Variants in RNF152 observed in about 807,000 individuals in gnomAD.
RNF152 encodes ring finger protein 152, also known as E3 ubiquitin-protein ligase RNF152.
In RNF152, 11 loss-of-function variants were observed where a neutral mutation model predicts 12.7. The ratio of observed to expected loss-of-function variants is 0.86; its 90% CI spans 0.54 to 1.43. The LOEUF is 1.43. RNF152 is among the 40% of genes most tolerant of loss of function. RNF152 has a pLI of 0.00. For synonymous variants in RNF152, 113 were observed against 120.3 expected (o/e 0.94, Z 0.40); for missense variants, 255 against 274.8 (o/e 0.93, Z 0.51).
intron 1 of RNF152, among the ~76,000 whole-genome samples, chr18:61,839,200 T>G (rs1910331299): frequency 6.6e-6 from 1 of 152,200 alleles, no homozygotes; most frequent in African/African-American, 2.4e-5. Flanking sequence ...AAATCTACTT[T>G]GGTACACTAC....
Position 61,815,613 on chromosome 18 carries a change from G to T in RNF152, c.*239C>A, listed in dbSNP as rs1262214089. 26 of 519,360 alleles carry T rather than the reference G, an allele frequency of 5.0e-5. No homozygotes were observed. Among genetic ancestry groups the T allele is most frequent in the Non-Finnish European group, 7.9e-5 (23 of 291,308 alleles). 32.2% of individuals were successfully genotyped at this position (519,360 alleles called of 1,614,324 possible). ...AGTCCATTGAATACATGATTATGAG[G>T]ATGCATGCAATCATCTTCCAAGCTG... is the stretch of plus-strand genomic sequence containing the variant. On this transcript the variant is annotated 3_prime_UTR_variant, in exon 2 of 2. Coordinates refer to ENST00000312828, the MANE Select transcript of RNF152 (RefSeq NM_173557.3).
chr18:61,857,737 T>C (rs1911289980), intron 1 of RNF152, among the ~76,000 whole-genome samples: 1 of 152,130 alleles, frequency 6.6e-6, no homozygotes, highest in Admixed American at 6.5e-5. Flanking sequence ...ACTGTGGGCT[T>C]TTGGTCATTC....
intron 1 of RNF152, among the ~76,000 whole-genome samples, chr18:61,868,875 A>ACAGTGC (rs796504517): frequency 2.0e-5 from 3 of 152,284 alleles, no homozygotes; most frequent in African/African-American, 7.2e-5. Context: ...TACAAAGGCA[A>ACAGTGC]CAGTGCAAAA....
Position 61,812,780 on chromosome 18 carries a change from A to G in RNF152, c.*3072T>C, listed in dbSNP as rs1908867008. ...GTTTGATAGTTGTCTTTCAACATCT[A>G]TACTCATCCCTAAGTCAACCCTCCT... On this transcript the variant is annotated 3_prime_UTR_variant, in exon 2 of 2. Transcript: ENST00000312828. The G allele has an allele frequency of 6.6e-6, 1 of 152,226 alleles. No individual in the cohort carries two copies. The highest frequency in any genetic ancestry group is 2.1e-4 in the South Asian group (1 of 4,834). 9.4% of individuals were successfully genotyped at this position (152,226 alleles called of 1,614,324 possible). A position where few individuals can be genotyped will look rare whatever the true frequency, so the allele number is the denominator to read the frequency against.
Position 61,810,859 on chromosome 18 carries a change from A to G in RNF152, c.*4993T>C, listed in dbSNP as rs1912947458. 1 of 151,210 alleles carries G rather than the reference A, an allele frequency of 6.6e-6. No homozygotes were observed. The highest frequency in any genetic ancestry group is 2.1e-4 in the South Asian group (1 of 4,822). 9.4% of individuals were successfully genotyped at this position (151,210 alleles called of 1,614,324 possible). A position where few individuals can be genotyped will look rare whatever the true frequency, so the allele number is the denominator to read the frequency against. On this transcript the variant is annotated 3_prime_UTR_variant, in exon 2 of 2. Coordinates refer to ENST00000312828, the MANE Select transcript of RNF152 (RefSeq NM_173557.3). ...GGAAATGTCAAGGAACAGCTTCTCT[A>G]TCTAAGTCAGGGATGACAGACTGAC... is the stretch of plus-strand genomic sequence containing the variant.
intron 1 of RNF152, among the ~76,000 whole-genome samples, chr18:61,872,012 C>T (rs1397728283): frequency 6.6e-6 from 1 of 152,136 alleles, no homozygotes; most frequent in East Asian, 1.9e-4. Context: ...TTAATTGGCT[C>T]ACGGTTCTGC....
intron 1 of RNF152, among the ~76,000 whole-genome samples, chr18:61,822,607 A>T (rs1289629272): frequency 6.6e-6 from 1 of 152,226 alleles, no homozygotes; most frequent in Non-Finnish European, 1.5e-5. Context: ...AAAAAAAGCC[A>T]GTGAAGTAGA....
chr18:61,847,293 G>A (rs1230644469), intron 1 of RNF152, among the ~76,000 whole-genome samples: 1 of 152,202 alleles, frequency 6.6e-6, no homozygotes, highest in African/African-American at 2.4e-5. Flanking sequence ...TTTGAGAAAT[G>A]TGCTATTTCT....
intron 1 of RNF152, among the ~76,000 whole-genome samples, chr18:61,859,961 CAGATGTCATTAGTTA>C (rs1335260448): frequency 9.9e-5 from 15 of 152,244 alleles, no homozygotes; most frequent in Admixed American, 2.6e-4. Context: ...CGGGTCACTG[CAGATGTCATTAGTTA>C]AGATGAGGTT....
At chr18:61,831,488 T>C (rs1032844133) in intron 1 of RNF152, among the ~76,000 whole-genome samples, 11 of 152,216 alleles carry the variant, frequency 7.2e-5, no homozygotes, top group Non-Finnish European at 1.0e-4. Context: ...CTGCTCTTAC[T>C]GTCTCCCTTA....
Position 61,813,384 on chromosome 18 carries a change from T to C in RNF152, c.*2468A>G, listed in dbSNP as rs1042270339. The stretch of plus-strand genomic sequence containing the variant: ...TGCAAGCAGATCCATTTAAACAATT[T>C]AAACAATGTTTCTTAGGTCAGTAAG... On this transcript the variant is annotated 3_prime_UTR_variant, in exon 2 of 2. Coordinates refer to ENST00000312828, the MANE Select transcript of RNF152 (RefSeq NM_173557.3). 8 of 151,808 alleles carry C rather than the reference T, an allele frequency of 5.3e-5. No individual in the cohort carries two copies. Among genetic ancestry groups the C allele is most frequent in the African/African-American group, 1.9e-4 (8 of 41,294 alleles). The allele number at this position is 151,808 out of a possible 1,614,324, so 9.4% of individuals were successfully genotyped here.
chr18:61,827,463 CCTAA>C (rs1440123470), intron 1 of RNF152, among the ~76,000 whole-genome samples: 3 of 152,260 alleles, frequency 2.0e-5, no homozygotes, highest in East Asian at 3.9e-4. Flanking sequence ...CAAAAACCTA[CCTAA>C]CTGTTAAGAC....
At chr18:61,830,083 G>A (rs1198686636) in intron 1 of RNF152, among the ~76,000 whole-genome samples, 2 of 150,698 alleles carry the variant, frequency 1.3e-5, no homozygotes, top group Non-Finnish European at 1.5e-5. Flanking sequence ...GTGCAGTGGT[G>A]CGATCTTGGC....
chr18:61,875,443 T>A (rs1462422665), intron 1 of RNF152, among the ~76,000 whole-genome samples: 1 of 152,076 alleles, frequency 6.6e-6, no homozygotes, highest in African/African-American at 2.4e-5. Context: ...AGAAAACAAA[T>A]TTTTTTTCTT....
chr18:61,881,581 T>A (rs1912465772), intron 1 of RNF152, among the ~76,000 whole-genome samples: 1 of 152,198 alleles, frequency 6.6e-6, no homozygotes, highest in Non-Finnish European at 1.5e-5. Flanking sequence ...GTCAAAGACA[T>A]GAAATCAAAT....
At chr18:61,827,462 A>G (rs1368755009) in intron 1 of RNF152, among the ~76,000 whole-genome samples, 1 of 152,126 alleles carries the variant, frequency 6.6e-6, no homozygotes, top group East Asian at 1.9e-4. Context: ...ACAAAAACCT[A>G]CCTAACTGTT....
chr18:61,858,503 G>A (rs867385416), intron 1 of RNF152, among the ~76,000 whole-genome samples: 6 of 151,834 alleles, frequency 4.0e-5, no homozygotes, highest in South Asian at 4.2e-4. Flanking sequence ...TATTTCCCCC[G>A]ATACCTTCTC....
chr18:61,841,770 A>C (rs1599285196), intron 1 of RNF152, among the ~76,000 whole-genome samples: 1 of 152,250 alleles, frequency 6.6e-6, no homozygotes, highest in African/African-American at 2.4e-5. Context: ...AGTGCTTCTC[A>C]ATCTCCAACA....
intron 1 of RNF152, among the ~76,000 whole-genome samples, chr18:61,861,439 G>T (rs577626185): frequency 7.2e-5 from 11 of 152,270 alleles, no homozygotes; most frequent in African/African-American, 2.4e-4. Context: ...TAGCCTATAT[G>T]TGTACTGGGC....
Sources: gnomAD v4.1 joint callset for allele counts (sites outside exome capture counted in the v4.1 genomes callset) on GRCh38, gnomAD v4.1.1 for gene constraint, MANE v1.5 for transcripts, NCBI Gene and HGNC (gene_info 2026-07-23, HGNC 2026-07-21) for gene names.